KCNH7: variants seen among roughly 807,000 people sequenced by gnomAD.
KCNH7 encodes voltage-gated inwardly rectifying potassium channel KCNH7.
KCNH7 carries 49 observed loss-of-function variants against 120.8 expected under a neutral mutation model. That is an observed-to-expected ratio of 0.41 (90% CI 0.32 to 0.51). The LOEUF is 0.51. KCNH7 is among the 20% of genes least tolerant of loss of function. KCNH7 has a pLI of 0.38. For missense variants in KCNH7, 1,097 were observed against 1,446.6 expected (o/e 0.76, Z 3.92); for synonymous variants, 547 against 516.1 (o/e 1.06, Z -0.81).
At chr2:162,775,002 A>T (rs1683182972) in intron 2 of KCNH7, among the ~76,000 whole-genome samples, 1 of 152,188 alleles carries the variant, frequency 6.6e-6, no homozygotes, top group South Asian at 2.1e-4. Flanking sequence ...TAAAACAGTG[A>T]TGAGCAGCAT....
intron 8 of KCNH7, among the ~76,000 whole-genome samples, chr2:162,428,582 A>G (rs1468259062): frequency 2.0e-5 from 3 of 151,886 alleles, no homozygotes; most frequent in South Asian, 4.2e-4. Flanking sequence ...ATTTTTATTC[A>G]TTTGGTCTAT....
chr2:162,496,011 G>A lies in KCNH7; in HGVS notation c.1128+8432C>T, dbSNP rs1201364186. Among the ~76,000 whole-genome samples, 3 of 152,224 alleles carry A rather than the reference G, an allele frequency of 2.0e-5. No homozygotes were observed. In the East Asian group the frequency reaches 5.8e-4, roughly 30 times the overall value. ...TGATTCATTTTGATTTACAGCTTCT[G>A]ATAACCCAAATTGCTTCTTCTTGCT... On this transcript the variant is annotated intron_variant, in intron 6 of 15. Coordinates refer to ENST00000332142, the MANE Select transcript of KCNH7 (RefSeq NM_033272.4).
At chr2:162,521,512 T>G (rs1045926847) in intron 3 of KCNH7, among the ~76,000 whole-genome samples, 4 of 151,880 alleles carry the variant, frequency 2.6e-5, no homozygotes, top group African/African-American at 7.2e-5. Flanking sequence ...TACAGAAAAT[T>G]TGAGAATTTA....
At chr2:162,535,996 T>C (rs1692092043) in intron 3 of KCNH7, among the ~76,000 whole-genome samples, 1 of 151,820 alleles carries the variant, frequency 6.6e-6, no homozygotes, top group African/African-American at 2.4e-5. Context: ...TACTCTGCAC[T>C]ATACACCAAA....
In KCNH7 at chr2:162,509,894, G is replaced by T. The variant is rs181770815; in HGVS notation, c.913+2760C>A. ...ACACACCAATGTCAGAGGGAAGCAG[G>T]GTTACTTGAGATAGCAAGGAGGTGG... On this transcript the variant is annotated intron_variant, in intron 5 of 15. Coordinates refer to ENST00000332142, the MANE Select transcript of KCNH7 (RefSeq NM_033272.4). Among the ~76,000 whole-genome samples the T allele has an allele frequency of 1.2e-3, 181 of 151,618 alleles. 1 individual carries two copies. The highest frequency in any genetic ancestry group is 4.1e-3 in the African/African-American group (169 of 41,454).
chr2:162,778,850 A>T (rs1005134622), intron 2 of KCNH7, among the ~76,000 whole-genome samples: 1 of 152,124 alleles, frequency 6.6e-6, no homozygotes, highest in East Asian at 1.9e-4. Flanking sequence ...ACCTGTGTCT[A>T]CTTACAGTAA....
chr2:162,425,926 A>T (rs946876950), intron 8 of KCNH7, among the ~76,000 whole-genome samples: 6 of 152,124 alleles, frequency 3.9e-5, no homozygotes, highest in South Asian at 4.1e-4. Flanking sequence ...TAAGAGACTA[A>T]TTTATGGTCA....
intron 9 of KCNH7, among the ~76,000 whole-genome samples, chr2:162,402,810 T>C (rs1687103672): frequency 6.6e-6 from 1 of 151,692 alleles, no homozygotes; most frequent in South Asian, 2.1e-4. Flanking sequence ...TGTGCATGTC[T>C]GTGTGTGTGC....
Position 162,780,637 on chromosome 2 carries a change from G to A in KCNH7, c.307+55900C>T, listed in dbSNP as rs73015976. On this transcript the variant is annotated intron_variant, in intron 2 of 15. Coordinates refer to ENST00000332142, the MANE Select transcript of KCNH7 (RefSeq NM_033272.4). ...TTTACCCTCTTATATTTTCCTAATT[G>A]AACTAATTTTTTCTCAAGCATGGAG... Among the ~76,000 whole-genome samples, 188 of 152,054 alleles carry A rather than the reference G, an allele frequency of 1.2e-3. 1 individual carries two copies. Among genetic ancestry groups the A allele is most frequent in the African/African-American group, 4.3e-3 (180 of 41,512 alleles).
At chr2:162,401,623 G>C (rs1210476100) in intron 9 of KCNH7, among the ~76,000 whole-genome samples, 1 of 151,834 alleles carries the variant, frequency 6.6e-6, no homozygotes, top group Non-Finnish European at 1.5e-5. Context: ...TAAGCACAAG[G>C]ATCCTACTGT....
At chr2:162,715,586 C>T (rs530687911) in intron 2 of KCNH7, among the ~76,000 whole-genome samples, 4 of 152,266 alleles carry the variant, frequency 2.6e-5, no homozygotes, top group East Asian at 1.9e-4. Flanking sequence ...AATTATCTTG[C>T]CCCATATTCT....
intron 1 of KCNH7, 66 bp from the exon 2 acceptor site, chr2:162,836,833 C>T: frequency 9.1e-7 from 1 of 1,098,900 alleles, no homozygotes; most frequent in Admixed American, 2.0e-5. Flanking sequence ...AACACTGAAG[C>T]AATTTGTTGC....
chr2:162,798,418 G>A (rs1684223623), intron 2 of KCNH7, among the ~76,000 whole-genome samples: 1 of 151,964 alleles, frequency 6.6e-6, no homozygotes, highest in Admixed American at 6.6e-5. Flanking sequence ...AGATACACAT[G>A]AATTTTAGAA....
intron 9 of KCNH7, among the ~76,000 whole-genome samples, chr2:162,405,204 T>C (rs1687174507): frequency 6.6e-6 from 1 of 151,994 alleles, no homozygotes; most frequent in Admixed American, 6.6e-5. Flanking sequence ...TCCCTTTACT[T>C]GAATTTATAT....
At chr2:162,790,691 A>G (rs1050264729) in intron 2 of KCNH7, among the ~76,000 whole-genome samples, 1 of 152,060 alleles carries the variant, frequency 6.6e-6, no homozygotes, top group African/African-American at 2.4e-5. Context: ...CACAAATCAA[A>G]AATTGTGATA....
intron 4 of KCNH7, among the ~76,000 whole-genome samples, chr2:162,514,820 G>A (rs997791274): frequency 6.6e-6 from 1 of 151,722 alleles, no homozygotes; most frequent in Non-Finnish European, 1.5e-5. Context: ...GATTAAATGA[G>A]AGGATAAGGT....
intron 2 of KCNH7, among the ~76,000 whole-genome samples, chr2:162,834,446 C>T (rs945371835): frequency 6.6e-6 from 1 of 151,960 alleles, no homozygotes; most frequent in Non-Finnish European, 1.5e-5. Context: ...ATATTCAAAT[C>T]CTTGAAGACT....
intron 2 of KCNH7, among the ~76,000 whole-genome samples, chr2:162,715,113 A>G (rs1171136843): frequency 6.6e-6 from 1 of 152,174 alleles, no homozygotes; most frequent in Non-Finnish European, 1.5e-5. Context: ...GATTACTATA[A>G]AGAAATACCT....
chr2:162,517,730 C>A lies in KCNH7; in HGVS notation c.892G>T (p.Asp298Tyr). 1 of 1,546,346 alleles carries A rather than the reference C, an allele frequency of 6.5e-7. No homozygotes were observed. Among genetic ancestry groups the A allele is most frequent in the Non-Finnish European group, 8.8e-7 (1 of 1,141,084 alleles). Residue 298 changes from aspartate (D) to tyrosine (Y), a missense_variant and splice_region_variant, in exon 4 of 16, where the codon GAC becomes TAC. This residue lies in a region of KCNH7 where 362 missense variants were observed against 372.2 expected (regional missense o/e 0.97). Transcript: ENST00000332142. The part of the protein sequence containing the change: ...NIFRDRHASE[D>Y]NGRNVKGPFN... ...CCATTTAAAAAAAAATCAAACATAC[C>A]TTCGCTGGCATGTCGGTCTCTAAAT...
Sources: allele counts gnomAD v4.1 joint callset (sites outside exome capture counted in the v4.1 genomes callset), GRCh38; gene constraint gnomAD v4.1.1; regional missense constraint gnomAD v4.1.1; transcripts MANE v1.5; gene names NCBI Gene and HGNC (gene_info 2026-07-23, HGNC 2026-07-21).